Variants in PDE3B observed in about 807,000 individuals in gnomAD.
PDE3B encodes the protein cGMP-inhibited 3',5'-cyclic phosphodiesterase 3B.
Under a neutral mutation model 116.8 loss-of-function variants are expected in PDE3B, and 66 were observed. The ratio of observed to expected loss-of-function variants is 0.56; its 90% CI spans 0.46 to 0.69. PDE3B has a LOEUF of 0.69. PDE3B is among the 30% of genes least tolerant of loss of function. PDE3B has a pLI of 0.00. For missense variants in PDE3B, 1,384 were observed against 1,368.1 expected, an observed-to-expected ratio of 1.01 and a Z score of -0.18; for synonymous variants, 595 against 533.6, an observed-to-expected ratio of 1.12 and a Z score of -1.59.
intron 12 of PDE3B, among the ~76,000 whole-genome samples, chr11:14,846,723 A>G (rs2133977256): frequency 6.6e-6 from 1 of 152,300 alleles, no homozygotes; most frequent in Non-Finnish European, 1.5e-5. Context: ...TAAACCAACA[A>G]AGATCAAAAG....
At chr11:14,864,477 A>C (rs1272190532) in intron 14 of PDE3B, among the ~76,000 whole-genome samples, 2 of 152,300 alleles carry the variant, frequency 1.3e-5, no homozygotes, top group African/African-American at 4.8e-5. Flanking sequence ...AGAACTCTCC[A>C]CCCCAAATCA....
intron 1 of PDE3B, among the ~76,000 whole-genome samples, chr11:14,770,943 T>C (rs1423489527): frequency 6.6e-6 from 1 of 151,570 alleles, no homozygotes; most frequent in African/African-American, 2.4e-5. Flanking sequence ...AGCTAATAAT[T>C]TTTTTTGCAT....
chr11:14,899,166 C>T, the PDE3B span, among the ~76,000 whole-genome samples: 9 of 152,018 alleles, frequency 5.9e-5, no homozygotes, highest in East Asian at 3.9e-4. Context: ...CTCATTTTTT[C>T]GCACTGCCAA....
chr11:14,825,978 A>G (rs1859674495), intron 7 of PDE3B, among the ~76,000 whole-genome samples: 1 of 152,214 alleles, frequency 6.6e-6, no homozygotes, highest in Admixed American at 6.5e-5. Context: ...ACTCAAAACC[A>G]TGCAATTACA....
rs115211821 is a variant in PDE3B at position 14,759,982 on chromosome 11, G to A, written c.979-11955G>A. ...ATTTTGAGATTTTTATAAACTGGTC[G>A]TTTTTATAGGATGAAAGAGACTTAC... On this transcript the variant is annotated intron_variant, in intron 1 of 15. Transcript: ENST00000282096. 2.5e-3 allele frequency among the ~76,000 whole-genome samples: 379 copies of A among 152,240 alleles called. 2 individuals carry two copies. Among genetic ancestry groups the A allele is most frequent in the African/African-American group, 7.9e-3 (327 of 41,548 alleles).
chr11:14,830,746 C>A lies in PDE3B; in HGVS notation c.1856C>A (p.Thr619Asn). 6.6e-7 allele frequency: 1 copy of A among 1,504,376 alleles called. No individual in the cohort carries two copies. Among genetic ancestry groups the A allele is most frequent in the Non-Finnish European group, 8.9e-7 (1 of 1,129,612 alleles). The allele number at this position is 1,504,376 out of a possible 1,614,324, so 93.2% of individuals were successfully genotyped here. ...FSKESFKLMETQQEEETEKKD... is the reference protein window; with the variant it reads ...FSKESFKLMENQQEEETEKKD... The stretch of plus-strand genomic sequence containing the variant: ...AAAGAATCATTCAAACTTATGGAAA[C>A]TCAACAAGAAGAGGAAACAGAGAAG... Residue 619 changes from threonine (T) to asparagine (N), a missense_variant, in exon 8 of 16, where the codon ACT (threonine) becomes AAT (asparagine). Around this residue, in one of 2 missense-constraint regions of PDE3B, gnomAD observed 956 missense variants for 806.8 expected, o/e 1.18. Coordinates refer to ENST00000282096, the MANE Select transcript of PDE3B (RefSeq NM_000922.4).
intron 1 of PDE3B, among the ~76,000 whole-genome samples, chr11:14,673,147 G>A (rs1854423290): frequency 6.6e-6 from 1 of 151,544 alleles, no homozygotes; most frequent in Admixed American, 6.6e-5. Context: ...CAAAGGATGG[G>A]CTCTTTACTT....
At chr11:14,664,596 T>G (rs1305289680) in intron 1 of PDE3B, among the ~76,000 whole-genome samples, 3 of 151,950 alleles carry the variant, frequency 2.0e-5, no homozygotes, top group African/African-American at 7.3e-5. Flanking sequence ...TCACCACCAA[T>G]CCCACAGAAA....
At chr11:14,852,263 C>T (rs765678167) in intron 12 of PDE3B, among the ~76,000 whole-genome samples, 4 of 152,152 alleles carry the variant, frequency 2.6e-5, no homozygotes, top group African/African-American at 4.8e-5. Flanking sequence ...ACCATGTTGA[C>T]CAGGCTGGTC....
intron 2 of PDE3B, among the ~76,000 whole-genome samples, chr11:14,782,205 A>G (rs939384445): frequency 2.6e-5 from 4 of 152,240 alleles, no homozygotes; most frequent in Admixed American, 2.0e-4. Flanking sequence ...TATAGATTCA[A>G]TGCCATCCCC....
intron 1 of PDE3B, among the ~76,000 whole-genome samples, chr11:14,647,891 A>C (rs1303940329): frequency 1.3e-5 from 2 of 151,104 alleles, no homozygotes; most frequent in Non-Finnish European, 3.0e-5. Context: ...TTTGATTTAA[A>C]TGCTATATAT....
intron 1 of PDE3B, among the ~76,000 whole-genome samples, chr11:14,672,557 C>G (rs1351409107): frequency 6.6e-6 from 1 of 152,078 alleles, no homozygotes; most frequent in Non-Finnish European, 1.5e-5. Context: ...TAACAAGAGA[C>G]AAATATAGTG....
chr11:14,744,133 A>T (rs979434043), intron 1 of PDE3B, among the ~76,000 whole-genome samples: 1 of 152,128 alleles, frequency 6.6e-6, no homozygotes, highest in African/African-American at 2.4e-5. Context: ...TATTCCATTG[A>T]TCTACATGTC....
intron 1 of PDE3B, chr11:14,673,971 TC>T: frequency 7.4e-7 from 1 of 1,355,768 alleles, no homozygotes; most frequent in Non-Finnish European, 1.1e-6. Context: ...TGCGTAATCC[TC>T]AAGAATGGAA....
At chr11:14,771,191 G>A (rs1482991810) in intron 1 of PDE3B, among the ~76,000 whole-genome samples, 5 of 151,724 alleles carry the variant, frequency 3.3e-5, no homozygotes, top group African/African-American at 1.2e-4. Flanking sequence ...AATTATTTAA[G>A]CAAAAGAAGA....
At chr11:14,750,669 G>A (rs1238694246) in intron 1 of PDE3B, among the ~76,000 whole-genome samples, 1 of 151,980 alleles carries the variant, frequency 6.6e-6, no homozygotes, top group Non-Finnish European at 1.5e-5. Flanking sequence ...ATGCTTTTAA[G>A]AATATTATTT....
intron 1 of PDE3B, among the ~76,000 whole-genome samples, chr11:14,726,888 G>A (rs1471256695): frequency 6.6e-6 from 1 of 152,128 alleles, no homozygotes; most frequent in African/African-American, 2.4e-5. Context: ...GAAGAACAGA[G>A]AATTGAATGA....
At chr11:14,756,874 C>T (rs1857199053) in intron 1 of PDE3B, among the ~76,000 whole-genome samples, 2 of 150,534 alleles carry the variant, frequency 1.3e-5, no homozygotes, top group South Asian at 4.2e-4. Context: ...CATATGTATA[C>T]ATGTGCCATG....
the PDE3B span, among the ~76,000 whole-genome samples, chr11:14,884,356 AAAT>A: frequency 6.6e-6 from 1 of 152,070 alleles, no homozygotes; most frequent in Non-Finnish European, 1.5e-5. Flanking sequence ...CAGCCATAAA[AAAT>A]AATGAGTTCA....
Sources: gnomAD v4.1 joint callset for allele counts (sites outside exome capture counted in the v4.1 genomes callset) on GRCh38, gnomAD v4.1.1 for gene constraint, gnomAD v4.1.1 regional missense constraint, MANE v1.5 for transcripts, NCBI Gene and HGNC (gene_info 2026-07-23, HGNC 2026-07-21) for gene names.